MRPL37: variants seen among roughly 807,000 people sequenced by gnomAD.
The protein encoded by MRPL37 is large ribosomal subunit protein mL37.
In MRPL37, 34 loss-of-function variants were observed where a neutral mutation model predicts 44.1. The ratio of observed to expected loss-of-function variants is 0.77; its 90% CI spans 0.59 to 1.03. MRPL37 has a LOEUF of 1.03. MRPL37 is among the 50% of genes least tolerant of loss of function. MRPL37 has a pLI of 0.00. For missense variants in MRPL37, 532 were observed against 543.7 expected (o/e 0.98, Z 0.21); for synonymous variants, 212 against 219.5 (o/e 0.97, Z 0.30).
At chr1:54,210,425 A>G (rs529778689) in intron 4 of MRPL37, among the ~76,000 whole-genome samples, 1 of 151,640 alleles carries the variant, frequency 6.6e-6, no homozygotes, top group Non-Finnish European at 1.5e-5. Flanking sequence ...TTTTTTCTTC[A>G]GCAAACTGTA....
Position 54,216,257 on chromosome 1 carries a change from T to C in MRPL37, c.1107T>C (p.Gly369=), listed in dbSNP as rs1404580472. 6.8e-6 allele frequency: 11 copies of C among 1,613,958 alleles called. No individual in the cohort carries two copies. In the African/African-American group the frequency reaches 1.5e-4, roughly 22 times the overall value. The change falls in exon 6 of 7, where the codon GGT becomes GGC. Residue 369 remains glycine, a synonymous_variant. Transcript: ENST00000360840. ...CCACAGACCTGGACTGTAACGAGGG[T>C]GTCAAGAATTTGGCCTGGGTGGACT... The part of the protein sequence containing the change: ...LNTTDLDCNE[G]VKNLAWVDSD...
downstream of MRPL37, chr1:54,225,381 A>C (rs1046253330): frequency 8.1e-7 from 1 of 1,234,010 alleles, no homozygotes; most frequent in Non-Finnish European, 1.0e-6. Flanking sequence ...TGCATTTTGT[A>C]ATCAGTGTAA....
chr1:54,210,594 C>A (rs775557951), intron 4 of MRPL37, among the ~76,000 whole-genome samples: 54 of 152,158 alleles, frequency 3.5e-4, no homozygotes, highest in Non-Finnish European at 7.3e-4. Flanking sequence ...ATCCAAACTC[C>A]ATCAAGCAAG....
At chr1:54,211,693 A>T (rs34078578) in intron 4 of MRPL37, among the ~76,000 whole-genome samples, 2,393 of 152,104 alleles carry the variant, frequency 0.016, 50 homozygotes, top group East Asian at 0.07. Flanking sequence ...GGGTCTTATT[A>T]TGTTTTCTAG....
chr1:54,211,403 G>A (rs982665268), intron 4 of MRPL37, among the ~76,000 whole-genome samples: 5 of 152,056 alleles, frequency 3.3e-5, no homozygotes, highest in African/African-American at 7.2e-5. Flanking sequence ...TACCTGTGCC[G>A]AATACCTGAG....
Position 54,212,532 on chromosome 1 carries a change from C to T in MRPL37, c.864C>T (p.Pro288=), listed in dbSNP as rs769995573. ...GFQEGYPYPY[P]HTLYLLDKAN... is the part of the protein sequence containing the mutation. ...AGGAAGGCTATCCTTACCCCTATCC[C>T]CATACCCTGTACTTACTGGACAAAG... Residue 288 remains proline (P), a synonymous_variant, in exon 5 of 7, where the codon CCC becomes CCT. Transcript: ENST00000360840. The T allele has an allele frequency of 2.5e-6, 4 of 1,614,172 alleles. No individual in the cohort carries two copies. In the East Asian group the frequency reaches 6.7e-5, roughly 27 times the overall value.
downstream of MRPL37, among the ~76,000 whole-genome samples, chr1:54,223,431 C>T (rs1644249727): frequency 1.3e-5 from 2 of 152,228 alleles, no homozygotes; most frequent in South Asian, 4.1e-4. Context: ...ACAGCCGAGA[C>T]TGGGGCGGGG....
At chr1:54,206,655 C>T (rs1644125021) in intron 3 of MRPL37, among the ~76,000 whole-genome samples, 1 of 152,136 alleles carries the variant, frequency 6.6e-6, no homozygotes, top group Non-Finnish European at 1.5e-5. Flanking sequence ...AGTGATCTGC[C>T]CATCTTGACC....
In MRPL37 at chr1:54,216,159, G is replaced by A. The variant is rs774354565; in HGVS notation, c.1009G>A (p.Glu337Lys). ...LLYGNDAKVL[E>K]QPVVVQSVGT... is the part of the protein sequence containing the mutation. ...CTCTCAGAATGATGCCAAGGTCTTG[G>A]AGCAGCCCGTGGTGGTGCAGAGCGT... Residue 337 changes from glutamate (E) to lysine (K), a missense_variant, in exon 6 of 7, where the codon GAG becomes AAG. By Grantham distance (56) the Glu-to-Lys change is moderately conservative (BLOSUM62 1). Coordinates refer to ENST00000360840, the MANE Select transcript of MRPL37 (RefSeq NM_016491.4). 1 of 1,614,184 alleles carries A rather than the reference G, an allele frequency of 6.2e-7. No homozygotes were observed. The highest frequency in any genetic ancestry group is 8.5e-7 in the Non-Finnish European group (1 of 1,180,036).
intron 5 of MRPL37, among the ~76,000 whole-genome samples, chr1:54,215,524 G>T (rs1257521446): frequency 6.6e-6 from 1 of 152,150 alleles, no homozygotes; most frequent in Non-Finnish European, 1.5e-5. Flanking sequence ...AACATGGCCC[G>T]TGCTGAGTTG....
intron 4 of MRPL37, among the ~76,000 whole-genome samples, chr1:54,210,892 C>T (rs1364618005): frequency 2.0e-5 from 3 of 152,120 alleles, no homozygotes; most frequent in Non-Finnish European, 4.4e-5. Context: ...GTCTTCATGC[C>T]CACCTCCCCG....
At chr1:54,207,658 C>T (rs763288127) in intron 3 of MRPL37, among the ~76,000 whole-genome samples, 16 of 152,196 alleles carry the variant, frequency 1.1e-4, no homozygotes, top group Non-Finnish European at 2.4e-4. Flanking sequence ...CAAGAGTGGT[C>T]TGTGGGGAGA....
rs1244395754 is a variant in MRPL37 at position 54,200,167 on chromosome 1, C to G, written c.-77C>G. The stretch of plus-strand genomic sequence containing the variant: ...CCCAAAACGAGCTTTGGCGCCCGGT[C>G]TCATTCGTTCCCAGCAGGCCCTGCG... On this transcript the variant is annotated 5_prime_UTR_variant, in exon 1 of 7. Coordinates refer to ENST00000360840, the MANE Select transcript of MRPL37 (RefSeq NM_016491.4). 5 of 1,410,890 alleles carry G rather than the reference C, an allele frequency of 3.5e-6. No homozygotes were observed. The South Asian group carries it at 5.5e-5, about 15-fold the overall frequency. 87.4% of individuals were successfully genotyped at this position (1,410,890 alleles called of 1,614,324 possible).
intron 4 of MRPL37, among the ~76,000 whole-genome samples, 177 bp downstream of exon 4, chr1:54,210,308 C>G (rs1644155107): frequency 6.6e-6 from 1 of 152,162 alleles, no homozygotes; most frequent in African/African-American, 2.4e-5. Flanking sequence ...ATTTCATAGG[C>G]AAAGAAACTG....
intron 5 of MRPL37, among the ~76,000 whole-genome samples, chr1:54,213,971 C>A (rs1570150213): frequency 6.6e-6 from 1 of 152,142 alleles, no homozygotes; most frequent in East Asian, 1.9e-4. Context: ...TTACTTGAGG[C>A]CAGGAGTTCG....
chr1:54,224,378 T>C (rs1644259229), downstream of MRPL37, among the ~76,000 whole-genome samples: 1 of 152,208 alleles, frequency 6.6e-6, no homozygotes, highest in Non-Finnish European at 1.5e-5. Context: ...TAACATCACT[T>C]GTAGCGAACA....
chr1:54,208,946 C>A (rs189565977), intron 3 of MRPL37, among the ~76,000 whole-genome samples: 4 of 152,184 alleles, frequency 2.6e-5, no homozygotes, highest in Non-Finnish European at 5.9e-5. Flanking sequence ...TTCCCTCCCC[C>A]CACTCCGCCA....
intron 1 of MRPL37, among the ~76,000 whole-genome samples, chr1:54,202,888 T>C (rs1244476358): frequency 6.6e-6 from 1 of 152,232 alleles, no homozygotes; most frequent in Admixed American, 6.5e-5. Context: ...AGCAGCCTTC[T>C]GTTAATTTTT....
chr1:54,219,296 T>C (rs1469981222), downstream of MRPL37, among the ~76,000 whole-genome samples: 1 of 152,250 alleles, frequency 6.6e-6, no homozygotes, highest in African/African-American at 2.4e-5. Flanking sequence ...TGAGAGCAGT[T>C]AGTGTGGGAA....
Sources: allele counts gnomAD v4.1 joint callset (sites outside exome capture counted in the v4.1 genomes callset), GRCh38; gene constraint gnomAD v4.1.1; transcripts MANE v1.5; gene names NCBI Gene and HGNC (gene_info 2026-07-23, HGNC 2026-07-21).